The following LUZP2 variants were observed in gnomAD, a reference collection of about 807,000 sequenced individuals.
The protein encoded by LUZP2 is leucine zipper protein 2.
In LUZP2, 52 loss-of-function variants were observed where a neutral mutation model predicts 51.6. That is an observed-to-expected ratio of 1.01 (90% CI 0.81 to 1.27). The LOEUF is 1.27. LUZP2 is among the 50% of genes most tolerant of loss of function. The pLI is 0.00. For missense variants in LUZP2, 436 were observed against 395.4 expected, an observed-to-expected ratio of 1.10 and a Z score of -0.87; for synonymous variants, 154 against 137.3, an observed-to-expected ratio of 1.12 and a Z score of -0.85.
rs377310043 is a variant in LUZP2, at chr11:24,736,279, C to A, written c.252-1942C>A. On this transcript the variant is annotated intron_variant, in intron 3 of 11. Transcript: ENST00000336930. ...CTCATTGTCATTTTAATAAAACATA[C>A]TTTATTATTTAATTTTTAAGTGTTT... is the stretch of plus-strand genomic sequence containing the variant. 3.4e-4 allele frequency among the ~76,000 whole-genome samples: 51 copies of A among 151,750 alleles called. No individual in the cohort carries two copies. The South Asian group carries it at 9.6e-3, about 28-fold the overall frequency.
At chr11:24,764,246 T>C (rs1860096171) in intron 5 of LUZP2, among the ~76,000 whole-genome samples, 1 of 152,148 alleles carries the variant, frequency 6.6e-6, no homozygotes, top group South Asian at 2.1e-4. Context: ...AACCCAGTTG[T>C]ATGATTATAA....
In LUZP2 at chr11:24,949,087, C is replaced by T. The variant is rs1854993086; in HGVS notation, c.523-27504C>T. Among the ~76,000 whole-genome samples, 3 of 151,566 alleles carry T rather than the reference C, an allele frequency of 2.0e-5. No individual in the cohort carries two copies. In the South Asian group the frequency reaches 6.2e-4, roughly 31 times the overall value. Reference sequence around the variant, plus strand: ...GTATTTCCAGGGTGAATCCAAACATCTGAAAACTAGGAGAGCCAGTGGTAT... The same window carrying T: ...GTATTTCCAGGGTGAATCCAAACATTTGAAAACTAGGAGAGCCAGTGGTAT... On this transcript the variant is annotated intron_variant, in intron 7 of 11. Transcript: ENST00000336930.
intron 9 of LUZP2, among the ~76,000 whole-genome samples, chr11:24,996,310 T>TTC (rs147073186): frequency 2.7e-5 from 4 of 150,150 alleles, no homozygotes; most frequent in East Asian, 1.9e-4. Flanking sequence ...TCCTCTATCT[T>TTC]TCTCTCTCTC....
At chr11:24,715,737 T>A (rs79800211) in intron 1 of LUZP2, among the ~76,000 whole-genome samples, 2,534 of 152,316 alleles carry the variant, frequency 0.017, 35 homozygotes, top group Middle Eastern at 0.041. Context: ...TATCCTCATT[T>A]CAATCTTTGT....
chr11:24,667,385 C>T (rs1455349742), intron 1 of LUZP2, among the ~76,000 whole-genome samples: 1 of 151,924 alleles, frequency 6.6e-6, no homozygotes, highest in East Asian at 1.9e-4. Context: ...CAGAGTTTCA[C>T]CATGTTGGTC....
intron 9 of LUZP2, among the ~76,000 whole-genome samples, chr11:24,999,438 A>T (rs554804561): frequency 5.8e-4 from 88 of 151,486 alleles, no homozygotes; most frequent in African/African-American, 2.1e-3. Context: ...AGGAGGAAGA[A>T]GGAGGAGAAG....
rs181952859 is a variant in LUZP2 at position 24,637,751 on chromosome 11, G to A, written c.63-91418G>A. 3.0e-3 allele frequency among the ~76,000 whole-genome samples: 453 copies of A among 151,930 alleles called. 9 individuals are homozygous for A. Among genetic ancestry groups the A allele is most frequent in the African/African-American group, 0.01 (419 of 41,224 alleles). The stretch of plus-strand genomic sequence containing the variant: ...GGTGAATTCTAGTCAGACCGGTTCT[G>A]TGCTCTTGCACCCTGTTTCCTGAAG... On this transcript the variant is annotated intron_variant, in intron 1 of 11. Coordinates refer to ENST00000336930, the MANE Select transcript of LUZP2 (RefSeq NM_001009909.4).
intron 1 of LUZP2, among the ~76,000 whole-genome samples, chr11:24,698,167 A>G (rs540386015): frequency 6.6e-6 from 1 of 152,294 alleles, no homozygotes; most frequent in East Asian, 1.9e-4. Flanking sequence ...CTGCTGTCTC[A>G]GTGTATTGGC....
intron 5 of LUZP2, among the ~76,000 whole-genome samples, chr11:24,904,710 G>T (rs1433236874): frequency 6.6e-6 from 1 of 152,092 alleles, no homozygotes; most frequent in Non-Finnish European, 1.5e-5. Flanking sequence ...CCTTCAGCTT[G>T]TCTCTTCACT....
chr11:24,862,250 T>G (rs1851763654), intron 5 of LUZP2, among the ~76,000 whole-genome samples: 1 of 152,134 alleles, frequency 6.6e-6, no homozygotes, highest in African/African-American at 2.4e-5. Context: ...AATTCAGCAT[T>G]CTTAAAGAAA....
At chr11:24,770,246 G>A (rs926717519) in intron 5 of LUZP2, among the ~76,000 whole-genome samples, 1 of 152,218 alleles carries the variant, frequency 6.6e-6, no homozygotes, top group Non-Finnish European at 1.5e-5. Flanking sequence ...GCTTGGGAAT[G>A]AGTGGGATAA....
At chr11:24,978,444 C>G (rs1305832491) in intron 8 of LUZP2, among the ~76,000 whole-genome samples, 2 of 151,656 alleles carry the variant, frequency 1.3e-5, no homozygotes, top group Non-Finnish European at 3.0e-5. Flanking sequence ...TCATTAGATT[C>G]CCATGATTCT....
At chr11:24,866,452 C>T (rs1378070827) in intron 5 of LUZP2, among the ~76,000 whole-genome samples, 1 of 152,148 alleles carries the variant, frequency 6.6e-6, no homozygotes, top group Non-Finnish European at 1.5e-5. Flanking sequence ...TAAGGGGAAA[C>T]TGCTCAAGTT....
chr11:24,532,770 T>C (rs1851050384), intron 1 of LUZP2, among the ~76,000 whole-genome samples: 1 of 151,008 alleles, frequency 6.6e-6, no homozygotes, highest in Non-Finnish European at 1.5e-5. Context: ...GTTCTAGAAG[T>C]TAAAATATTA....
intron 5 of LUZP2, among the ~76,000 whole-genome samples, chr11:24,783,152 T>C (rs554051105): frequency 3.9e-5 from 6 of 152,176 alleles, no homozygotes; most frequent in Admixed American, 2.6e-4. Context: ...CAAGCACATG[T>C]CCATTGTCTA....
At chr11:24,608,969 A>C (rs552322821) in intron 1 of LUZP2, among the ~76,000 whole-genome samples, 1 of 152,070 alleles carries the variant, frequency 6.6e-6, no homozygotes, top group East Asian at 1.9e-4. Context: ...GAGGCCTTTC[A>C]CAGGTGATAG....
intron 4 of LUZP2, among the ~76,000 whole-genome samples, chr11:24,747,274 A>T (rs553273597): frequency 2.6e-5 from 4 of 152,006 alleles, no homozygotes; most frequent in African/African-American, 9.6e-5. Context: ...TTTCCTGTGG[A>T]TGTTCATTCC....
chr11:25,000,702 C>T (rs1394813386), intron 9 of LUZP2, among the ~76,000 whole-genome samples: 3 of 152,080 alleles, frequency 2.0e-5, no homozygotes, highest in African/African-American at 2.4e-5. Flanking sequence ...CTGTAAACAC[C>T]GGGTGGCATC....
intron 5 of LUZP2, among the ~76,000 whole-genome samples, chr11:24,804,995 A>C (rs1590560419): frequency 7.4e-6 from 1 of 136,018 alleles, no homozygotes. Context: ...ATGTGCCACC[A>C]CACCCGGCTA....
Sources: allele counts gnomAD v4.1 joint callset (sites outside exome capture counted in the v4.1 genomes callset), GRCh38; gene constraint gnomAD v4.1.1; transcripts MANE v1.5; gene names NCBI Gene and HGNC (gene_info 2026-07-23, HGNC 2026-07-21).